LOC400499: variants seen among roughly 807,000 people sequenced by gnomAD.
the LOC400499 span, chr16:11,440,925 C>A: frequency 1.3e-5 from 5 of 398,988 alleles, no homozygotes; most frequent in Admixed American, 2.2e-4. Flanking sequence ...TCTGCCCAAT[C>A]TGGGGACCCA....
the LOC400499 span, among the ~76,000 whole-genome samples, chr16:11,394,384 C>T: frequency 6.6e-6 from 1 of 152,212 alleles, no homozygotes; most frequent in Non-Finnish European, 1.5e-5. Context: ...TATTCTAGTC[C>T]AGACACTGCA....
chr16:11,407,968 C>CTTTTTTTTTTT, the LOC400499 span, among the ~76,000 whole-genome samples: 1 of 116,176 alleles, frequency 8.6e-6, no homozygotes, highest in African/African-American at 3.4e-5. Context: ...TGTTCCAGAG[C>CTTTTTTTTTTT]TGTTTTTTTT....
the LOC400499 span, among the ~76,000 whole-genome samples, chr16:11,437,415 T>A: frequency 1.3e-5 from 2 of 152,096 alleles, no homozygotes; most frequent in Non-Finnish European, 2.9e-5. Context: ...AAACATTAGC[T>A]GAGCGTGGTG....
the LOC400499 span, among the ~76,000 whole-genome samples, chr16:11,473,566 C>G: frequency 6.6e-6 from 1 of 152,006 alleles, no homozygotes; most frequent in Non-Finnish European, 1.5e-5. Flanking sequence ...ACCAGCCTGG[C>G]CAATGTGGTA....
the LOC400499 span, among the ~76,000 whole-genome samples, chr16:11,412,527 CG>C: frequency 6.6e-6 from 1 of 152,218 alleles, no homozygotes; most frequent in Non-Finnish European, 1.5e-5. Flanking sequence ...TTACTGCACA[CG>C]TAAGAGCACC....
the LOC400499 span, among the ~76,000 whole-genome samples, chr16:11,463,365 C>T: frequency 1.3e-5 from 2 of 149,904 alleles, no homozygotes; most frequent in Admixed American, 1.3e-4. Flanking sequence ...CCCCGATCCC[C>T]ACAGATGTGT....
At chr16:11,375,760 G>C in the LOC400499 span, among the ~76,000 whole-genome samples, 1 of 139,478 alleles carries the variant, frequency 7.2e-6, no homozygotes, top group Non-Finnish European at 1.6e-5. Context: ...GATGGAGTTC[G>C]CTCTTGTTGC....
At chr16:11,517,082 G>A in the LOC400499 span, among the ~76,000 whole-genome samples, 1 of 152,150 alleles carries the variant, frequency 6.6e-6, no homozygotes. Context: ...GCCCTCCAGG[G>A]AGTTTCATCC....
the LOC400499 span, chr16:11,448,872 G>T: frequency 7.4e-7 from 1 of 1,358,734 alleles, no homozygotes; most frequent in East Asian, 2.6e-5. Flanking sequence ...AAACCGAGGT[G>T]AGGGATTCGG....
the LOC400499 span, among the ~76,000 whole-genome samples, chr16:11,525,670 C>T: frequency 0.42 from 64,155 of 151,994 alleles, 14,228 homozygotes; most frequent in East Asian, 0.56. Context: ...ACATCTGCTT[C>T]ACTGCTCAGC....
the LOC400499 span, chr16:11,443,397 G>T: frequency 2.1e-5 from 9 of 429,802 alleles, no homozygotes; most frequent in Non-Finnish European, 3.2e-5. Flanking sequence ...GGACGTGGAG[G>T]TTGCGGTGAG....
the LOC400499 span, chr16:11,472,382 G>A: frequency 0.33 from 50,477 of 151,768 alleles, 9,088 homozygotes; most frequent in Admixed American, 0.44. Context: ...TAGTAAAGAT[G>A]GGGTTTTACC....
the LOC400499 span, among the ~76,000 whole-genome samples, chr16:11,415,657 C>T: frequency 6.6e-6 from 1 of 152,160 alleles, no homozygotes; most frequent in Non-Finnish European, 1.5e-5. Context: ...GTCAGAGATA[C>T]CAAGAATGTT....
At chr16:11,482,342 G>A in the LOC400499 span, among the ~76,000 whole-genome samples, 1 of 152,186 alleles carries the variant, frequency 6.6e-6, no homozygotes, top group East Asian at 1.9e-4. Flanking sequence ...TGCAGGACAG[G>A]ATACCAGAGA....
At chr16:11,487,224 G>A in the LOC400499 span, 1 of 398,814 alleles carries the variant, frequency 2.5e-6, no homozygotes, top group Admixed American at 4.4e-5. Context: ...AAGTCTAGGA[G>A]AGGCCCTGCA....
At chr16:11,399,409 G>A in the LOC400499 span, 86,680 of 477,714 alleles carry the variant, frequency 0.18, 9,014 homozygotes, top group Non-Finnish European at 0.21. Context: ...AGAGCTGGAC[G>A]CTCCTGTGGC....
At chr16:11,496,888 A>ATGTGTGTGTGTGTGTGTGTG in the LOC400499 span, among the ~76,000 whole-genome samples, 1 of 144,270 alleles carries the variant, frequency 6.9e-6, no homozygotes, top group Non-Finnish European at 1.5e-5. Context: ...GTATGCCTCA[A>ATGTGTGTGTGTGTGTGTGTG]TGTGTGTGTG....
chr16:11,440,432 T>TG, the LOC400499 span, among the ~76,000 whole-genome samples: 1 of 152,202 alleles, frequency 6.6e-6, no homozygotes, highest in African/African-American at 2.4e-5. Flanking sequence ...ATCTGCCTGC[T>TG]GGGGCACAGC....
the LOC400499 span, chr16:11,392,129 G>T: frequency 5.0e-6 from 2 of 399,172 alleles, no homozygotes; most frequent in Non-Finnish European, 4.4e-6. Flanking sequence ...AGAGGCTGGG[G>T]CCTCGCAGGA....
Sources: gnomAD v4.1 joint callset for allele counts (sites outside exome capture counted in the v4.1 genomes callset) on GRCh38, gnomAD v4.1.1 for gene constraint, MANE v1.5 for transcripts.